The following SLAIN1 variants were observed in gnomAD, a reference collection of about 807,000 sequenced individuals.
SLAIN1 encodes SLAIN family member 1, also known as SLAIN motif-containing protein 1.
In SLAIN1, 17 loss-of-function variants were observed where a neutral mutation model predicts 55.4. The ratio of observed to expected loss-of-function variants is 0.31; its 90% CI spans 0.21 to 0.46. The LOEUF is 0.46. Among genes scored for constraint, SLAIN1 ranks in the 20% least tolerant of loss-of-function variants. The pLI, the probability that SLAIN1 is intolerant of heterozygous loss-of-function variation, is 1.00. For missense variants in SLAIN1, 682 were observed against 785.1 expected (o/e 0.87, Z 1.57); for synonymous variants, 348 against 337.4 (o/e 1.03, Z -0.35).
intron 5 of SLAIN1, among the ~76,000 whole-genome samples, chr13:77,754,060 G>A (rs533604295): frequency 7.9e-5 from 12 of 152,234 alleles, no homozygotes; most frequent in South Asian, 2.1e-4. Context: ...GGTTGTTGCA[G>A]TTAAGTCTTA....
chr13:77,728,233 A>G lies in SLAIN1; in HGVS notation c.766+8562A>G, dbSNP rs375191209. On this transcript the variant is annotated intron_variant, in intron 2 of 6. Transcript: ENST00000418532. The stretch of plus-strand genomic sequence containing the variant: ...GAACTTTCATGGGTAGGATTAGCTC[A>G]CTTGATATCCTAAATTGAAATAAGG... 3.3e-5 allele frequency among the ~76,000 whole-genome samples: 5 copies of G among 152,316 alleles called. No homozygotes were observed. The East Asian group carries it at 7.7e-4, about 23-fold the overall frequency.
intron 1 of SLAIN1, among the ~76,000 whole-genome samples, chr13:77,715,761 T>C (rs2091200646): frequency 6.6e-6 from 1 of 152,180 alleles, no homozygotes; most frequent in Non-Finnish European, 1.5e-5. Context: ...AACTTTTGTC[T>C]ATTTTTAAAA....
At position 77,697,757 on chromosome 13, in the gene SLAIN1, C is replaced by A. The variant is rs2154409011; in HGVS notation, c.-157C>A. ...TGGCTGCCGCGGCCGGAGGCGAGGGCCCGGTGCTGATGCGAACCGCCGGCT... is the reference window on the plus strand; with the variant it reads ...TGGCTGCCGCGGCCGGAGGCGAGGGACCGGTGCTGATGCGAACCGCCGGCT... On this transcript the variant is annotated 5_prime_UTR_variant, in exon 1 of 7. Coordinates refer to ENST00000418532, the MANE Select transcript of SLAIN1 (RefSeq NM_001242868.2). 3.2e-6 allele frequency: 2 copies of A among 633,156 alleles called. No homozygotes were observed. Among genetic ancestry groups the A allele is most frequent in the Non-Finnish European group, 4.3e-6 (2 of 468,240 alleles). The allele number at this position is 633,156 out of a possible 1,614,324, so 39.2% of individuals were successfully genotyped here. A position where few individuals can be genotyped will look rare whatever the true frequency, so the allele number is the denominator to read the frequency against.
chr13:77,724,247 G>A (rs1052248720), intron 2 of SLAIN1, among the ~76,000 whole-genome samples: 7 of 152,114 alleles, frequency 4.6e-5, no homozygotes, highest in Non-Finnish European at 1.0e-4. Flanking sequence ...GGGTTTAGGT[G>A]CTTTCCTATA....
rs369277171 is a variant in SLAIN1, at chr13:77,761,031, C to T, written c.1618C>T (p.Arg540Cys). 1 of 1,614,132 alleles carries T rather than the reference C, an allele frequency of 6.2e-7. No individual in the cohort carries two copies. Among genetic ancestry groups the T allele is most frequent in the South Asian group, 1.1e-5 (1 of 91,070 alleles). The stretch of plus-strand genomic sequence containing the variant: ...AGCTGCAGCTTCTGGGATAATGGGT[C>T]GCAGTGCACTCCCAAGACCTTCGTT... ...NKAAASGIMGRSALPRPSLAI... is the reference protein window; with the variant it reads ...NKAAASGIMGCSALPRPSLAI... Residue 540 changes from arginine to cysteine, a missense_variant, in exon 6 of 7, where the codon CGC becomes TGC. Transcript: ENST00000418532.
chr13:77,715,023 A>G (rs780134515), intron 1 of SLAIN1, among the ~76,000 whole-genome samples: 1 of 152,114 alleles, frequency 6.6e-6, no homozygotes, highest in African/African-American at 2.4e-5. Flanking sequence ...GCATGCCACC[A>G]CATGCAGCTA....
intron 1 of SLAIN1, among the ~76,000 whole-genome samples, chr13:77,707,838 G>A (rs1016353541): frequency 2.0e-5 from 3 of 152,138 alleles, no homozygotes; most frequent in African/African-American, 7.2e-5. Flanking sequence ...GCTAAGTTTG[G>A]TGTGCCTGAA....
chr13:77,749,929 C>A (rs1874092107), intron 4 of SLAIN1, among the ~76,000 whole-genome samples: 2 of 152,148 alleles, frequency 1.3e-5, no homozygotes, highest in African/African-American at 4.8e-5. Flanking sequence ...TAAAGACTAA[C>A]ACAGATTAGA....
intron 1 of SLAIN1, among the ~76,000 whole-genome samples, chr13:77,719,253 T>A (rs1259299689): frequency 7.2e-6 from 1 of 138,250 alleles, no homozygotes; most frequent in Non-Finnish European, 1.5e-5. Context: ...TAGGGCTAGT[T>A]TAGTTAAAAA....
chr13:77,734,181 C>T (rs1873005762), intron 2 of SLAIN1, among the ~76,000 whole-genome samples: 1 of 151,932 alleles, frequency 6.6e-6, no homozygotes, highest in Non-Finnish European at 1.5e-5. Flanking sequence ...TGGAGATTTT[C>T]CTGCCCTGGT....
chr13:77,742,929 T>A (rs891702815), intron 2 of SLAIN1: 1 of 842,236 alleles, frequency 1.2e-6, no homozygotes, highest in African/African-American at 1.8e-5. Context: ...CTTTTTTTTT[T>A]TTTTTATTCT....
intron 4 of SLAIN1, among the ~76,000 whole-genome samples, chr13:77,749,241 C>T (rs574866860): frequency 2.2e-4 from 33 of 152,164 alleles, no homozygotes; most frequent in African/African-American, 7.2e-4. Flanking sequence ...TTTGTAGTTC[C>T]TACACTGCCT....
chr13:77,761,543 A>G (rs888237387), intron 6 of SLAIN1, among the ~76,000 whole-genome samples: 6 of 152,196 alleles, frequency 3.9e-5, no homozygotes, highest in Non-Finnish European at 8.8e-5. Flanking sequence ...AACTATGCCC[A>G]ATACAGGTAG....
chr13:77,707,864 G>A (rs2091105900), intron 1 of SLAIN1, among the ~76,000 whole-genome samples: 1 of 152,140 alleles, frequency 6.6e-6, no homozygotes, highest in Non-Finnish European at 1.5e-5. Flanking sequence ...GGCTTCTCTG[G>A]ATCAGCTTAT....
intron 2 of SLAIN1, chr13:77,741,446 T>C (rs1362142276): frequency 2.0e-6 from 2 of 987,232 alleles, no homozygotes; most frequent in Middle Eastern, 2.8e-4. Flanking sequence ...CCACTGTAAG[T>C]TACGGGTTGG....
At chr13:77,761,603 A>C (rs577378297) in intron 6 of SLAIN1, among the ~76,000 whole-genome samples, 5 of 152,364 alleles carry the variant, frequency 3.3e-5, no homozygotes, top group African/African-American at 1.2e-4. Flanking sequence ...ATATGGAAAA[A>C]TGTGTCAGGC....
chr13:77,721,236 C>G (rs1200133231), intron 2 of SLAIN1, among the ~76,000 whole-genome samples: 1 of 152,136 alleles, frequency 6.6e-6, no homozygotes, highest in Non-Finnish European at 1.5e-5. Context: ...CTTTCTCTCT[C>G]TCCTGCCACC....
intron 1 of SLAIN1, among the ~76,000 whole-genome samples, chr13:77,718,098 GAA>G (rs758491461): frequency 6.8e-6 from 1 of 146,566 alleles, no homozygotes; most frequent in African/African-American, 2.5e-5. Flanking sequence ...ACACTCTAAG[GAA>G]AAAAAAAAAT....
chr13:77,752,147 ACT>A (rs1480027675), intron 4 of SLAIN1, among the ~76,000 whole-genome samples: 1 of 152,104 alleles, frequency 6.6e-6, no homozygotes, highest in Non-Finnish European at 1.5e-5. Context: ...GAAAGTTAAA[ACT>A]TTCCAGAGAT....
Sources: allele counts gnomAD v4.1 joint callset (sites outside exome capture counted in the v4.1 genomes callset), GRCh38; gene constraint gnomAD v4.1.1; transcripts MANE v1.5; gene names NCBI Gene and HGNC (gene_info 2026-07-23, HGNC 2026-07-21).